FAT1: variants seen among roughly 807,000 people sequenced by gnomAD.
FAT1 encodes protocadherin Fat 1.
A neutral mutation model predicts 329.8 loss-of-function variants in FAT1; 171 were observed. The ratio of observed to expected loss-of-function variants is 0.52; its 90% CI spans 0.46 to 0.59. FAT1 has a LOEUF of 0.59. FAT1 is among the 20% of genes least tolerant of loss of function. The pLI is 0.00. For synonymous variants in FAT1, 2,233 were observed against 2,228.6 expected, an observed-to-expected ratio of 1.00 and a Z score of -0.06; for missense variants, 5,672 against 5,774.4, an observed-to-expected ratio of 0.98 and a Z score of 0.57.
chr4:186,686,449 T>C (rs1331157547), intron 2 of FAT1, among the ~76,000 whole-genome samples: 1 of 152,194 alleles, frequency 6.6e-6, no homozygotes, highest in African/African-American at 2.4e-5. Context: ...AATGAAAGCA[T>C]CTTGGCATAA....
intron 2 of FAT1, among the ~76,000 whole-genome samples, chr4:186,687,121 G>A (rs542117987): frequency 1.6e-4 from 24 of 152,194 alleles, no homozygotes; most frequent in Non-Finnish European, 2.5e-4. Context: ...GACAAAGATC[G>A]AGAAAAGGTA....
rs1659742033 is a variant in FAT1, at chr4:186,620,356, T to A, written c.6230A>T (p.Asn2077Ile). The change falls in exon 10 of 27, where the codon AAT (asparagine) becomes ATT (isoleucine). Residue 2077 changes from asparagine to isoleucine, a missense_variant. This residue lies in a region of FAT1 where 3,966 missense variants were observed against 3,915.2 expected (regional missense o/e 1.01). Transcript: ENST00000441802. ...GGGAAGGTTGACAAACACCGGCGCA[T>A]TATCATTTTGGTCTTCTACAATGAC... ...VKVIVEDQND[N>I]APVFVNLPYY... is the part of the protein sequence containing the mutation. The A allele has an allele frequency of 6.2e-7, 1 of 1,613,930 alleles. No homozygotes were observed. Among genetic ancestry groups the A allele is most frequent in the Non-Finnish European group, 8.5e-7 (1 of 1,179,874 alleles).
chr4:186,629,607 G>A (rs917796740), intron 7 of FAT1, among the ~76,000 whole-genome samples: 4 of 152,182 alleles, frequency 2.6e-5, no homozygotes, highest in Non-Finnish European at 5.9e-5. Context: ...GGGGGCATAT[G>A]GAACAAAGGG....
At position 186,707,083 on chromosome 4, in the gene FAT1, T is replaced by C. The variant is rs771800940; in HGVS notation, c.2745A>G (p.Val915=). 4.3e-6 allele frequency: 7 copies of C among 1,613,920 alleles called. No homozygotes were observed. Among genetic ancestry groups the C allele is most frequent in the Non-Finnish European group, 5.9e-6 (7 of 1,179,916 alleles). ...PQLFSTVVVK[V]SLEDVNDNPP... is the part of the protein sequence containing the mutation. ...GGTTGTCATTAACATCTTCTAGTGA[T>C]ACTTTCACAACGACAGTGGAGAACA... The change falls in exon 2 of 27, where the codon GTA becomes GTG. Residue 915 remains valine (V), a synonymous_variant. Transcript: ENST00000441802.
chr4:186,653,596 A>G (rs1741769781), intron 3 of FAT1, among the ~76,000 whole-genome samples: 2 of 152,242 alleles, frequency 1.3e-5, no homozygotes, highest in African/African-American at 4.8e-5. Context: ...AGGAAAGCAC[A>G]GTAGCTTGTT....
intron 2 of FAT1, among the ~76,000 whole-genome samples, chr4:186,698,995 G>A (rs1242142002): frequency 2.0e-5 from 3 of 152,098 alleles, no homozygotes; most frequent in African/African-American, 2.4e-5. Context: ...ATCATTTGTC[G>A]TGTTTTTATA....
At chr4:186,628,399 T>A (rs2126543629) in intron 8 of FAT1, 35 bp from the exon 9 acceptor site, 1 of 1,610,128 alleles carries the variant, frequency 6.2e-7, no homozygotes, top group Non-Finnish European at 8.5e-7. Flanking sequence ...ATCCCATTGG[T>A]GCTTTCCTTA....
chr4:186,709,837 G>A lies in FAT1; in HGVS notation c.-10C>T, dbSNP rs2126707075. 1.3e-6 allele frequency: 2 copies of A among 1,582,924 alleles called. No individual in the cohort carries two copies. Among genetic ancestry groups the A allele is most frequent in the South Asian group, 1.1e-5 (1 of 87,748 alleles). ...CCAAATGTCTCCCCATTGCTTAACT[G>A]TCGGGAATCTGAAACAGAAGAAATC... On this transcript the variant is annotated 5_prime_UTR_variant, in exon 2 of 27. Transcript: ENST00000441802.
chr4:186,588,456 A>T lies in FAT1; in HGVS notation c.*136T>A. The T allele has an allele frequency of 9.8e-7, 1 of 1,020,106 alleles. No individual in the cohort carries two copies. The highest frequency in any genetic ancestry group is 1.4e-6 in the Non-Finnish European group (1 of 720,428). The allele number at this position is 1,020,106 out of a possible 1,614,324, so 63.2% of individuals were successfully genotyped here. A position where few individuals can be genotyped will look rare whatever the true frequency, so the allele number is the denominator to read the frequency against. ...CACTGGAAATGGCTAGCACGTCCAG[A>T]GGCGCAGGATCCAGCGCAGCCATGC... On this transcript the variant is annotated 3_prime_UTR_variant, in exon 27 of 27. Coordinates refer to ENST00000441802, the MANE Select transcript of FAT1 (RefSeq NM_005245.4).
intron 2 of FAT1, among the ~76,000 whole-genome samples, chr4:186,668,174 C>T (rs184467405): frequency 7.7e-4 from 117 of 152,180 alleles, no homozygotes; most frequent in African/African-American, 2.7e-3. Flanking sequence ...TTTTGTTTTC[C>T]GCTTTTTAAT....
Position 186,645,953 on chromosome 4 carries a change from A to C in FAT1, c.3581-6170T>G, listed in dbSNP as rs991165635. ...AGAGTGAGACTGTCTCACAAAAAAA[A>C]AAAAAAAAAATATATACACACACAC... On this transcript the variant is annotated intron_variant, in intron 3 of 26. Coordinates refer to ENST00000441802, the MANE Select transcript of FAT1 (RefSeq NM_005245.4). Among the ~76,000 whole-genome samples, 189 of 114,856 alleles carry C rather than the reference A, an allele frequency of 1.6e-3. 3 individuals carry two copies. The highest frequency in any genetic ancestry group is 6.6e-3 in the African/African-American group (182 of 27,770). The allele number at this position is 114,856 out of a possible 152,430, so 75.3% of individuals were successfully genotyped here.
At chr4:186,680,657 C>T (rs1240140622) in intron 2 of FAT1, among the ~76,000 whole-genome samples, 1 of 152,090 alleles carries the variant, frequency 6.6e-6, no homozygotes, top group Non-Finnish European at 1.5e-5. Context: ...CAGCAAAGAA[C>T]AAGAGTTAAA....
rs557668536 is a variant in FAT1 at position 186,702,749 on chromosome 4, C to T, written c.3265+3814G>A. Among the ~76,000 whole-genome samples, 9 of 152,298 alleles carry T rather than the reference C, an allele frequency of 5.9e-5. No individual in the cohort carries two copies. The South Asian group carries it at 8.3e-4, about 14-fold the overall frequency. On this transcript the variant is annotated intron_variant, in intron 2 of 26. Coordinates refer to ENST00000441802, the MANE Select transcript of FAT1 (RefSeq NM_005245.4). ...TCCACACACCCACAAGAGGGATGCTCCAGATTTTATTCTGCTTAAATTACA... is the reference window on the plus strand; with the variant it reads ...TCCACACACCCACAAGAGGGATGCTTCAGATTTTATTCTGCTTAAATTACA...
intron 1 of FAT1, among the ~76,000 whole-genome samples, chr4:186,710,228 T>G (rs1313026742): frequency 2.0e-5 from 3 of 152,182 alleles, no homozygotes; most frequent in Non-Finnish European, 4.4e-5. Flanking sequence ...TTACATTTAC[T>G]TACATACAAT....
intron 2 of FAT1, among the ~76,000 whole-genome samples, chr4:186,673,103 G>A (rs1742807318): frequency 6.6e-6 from 1 of 152,060 alleles, no homozygotes; most frequent in Non-Finnish European, 1.5e-5. Context: ...AAAATATGAT[G>A]CTACTGCTGT....
At chr4:186,659,766 T>A (rs1579403378) in intron 3 of FAT1, among the ~76,000 whole-genome samples, 1 of 123,858 alleles carries the variant, frequency 8.1e-6, no homozygotes, top group East Asian at 2.5e-4. Flanking sequence ...CAACCCTGGG[T>A]GCTCCTGCAC....
chr4:186,666,125 T>C (rs999912169), intron 2 of FAT1, among the ~76,000 whole-genome samples: 6 of 151,562 alleles, frequency 4.0e-5, no homozygotes, highest in African/African-American at 1.2e-4. Flanking sequence ...ACATGGCACA[T>C]GTATACATAT....
chr4:186,593,316 G>A (rs1183331695), intron 26 of FAT1, among the ~76,000 whole-genome samples: 4 of 152,180 alleles, frequency 2.6e-5, no homozygotes, highest in African/African-American at 7.2e-5. Flanking sequence ...AGGAGACTCT[G>A]TCCGTCTGTT....
chr4:186,668,358 G>A (rs982810400), intron 2 of FAT1, among the ~76,000 whole-genome samples: 8 of 152,154 alleles, frequency 5.3e-5, no homozygotes, highest in Non-Finnish European at 1.0e-4. Flanking sequence ...AATGTGCAAA[G>A]AAAGACCAGG....
Sources: allele counts gnomAD v4.1 joint callset (sites outside exome capture counted in the v4.1 genomes callset), GRCh38; gene constraint gnomAD v4.1.1; regional missense constraint gnomAD v4.1.1; transcripts MANE v1.5; gene names NCBI Gene and HGNC (gene_info 2026-07-23, HGNC 2026-07-21).